The following GPRC5B variants were observed in gnomAD, a reference collection of about 807,000 sequenced individuals.
GPRC5B encodes G protein-coupled receptor family C group 5 member B.
A neutral mutation model predicts 30.1 loss-of-function variants in GPRC5B; 16 were observed. The observed-to-expected ratio is 0.53, with a 90% CI of 0.36 to 0.81. The LOEUF (loss-of-function observed/expected upper bound fraction) is 0.81, where lower values mean the gene tolerates loss of function less well. GPRC5B is among the 30% of genes least tolerant of loss of function. The pLI, the probability that GPRC5B is intolerant of heterozygous loss-of-function variation, is 0.01. For missense variants in GPRC5B, 428 were observed against 544.7 expected (o/e 0.79, Z 2.13); for synonymous variants, 241 against 239.5 (o/e 1.01, Z -0.06).
intron 1 of GPRC5B, 80 bp downstream of exon 1, chr16:19,884,646 CA>C (rs2056836981): frequency 1.1e-6 from 1 of 941,754 alleles, no homozygotes; most frequent in Non-Finnish European, 1.3e-6. Flanking sequence ...GCGGACCCCC[CA>C]ATTCTCCCAA....
In GPRC5B at chr16:19,860,272, G is replaced by T; in HGVS notation, c.*228C>A. 1 of 546,518 alleles carries T rather than the reference G, an allele frequency of 1.8e-6. No individual in the cohort carries two copies. Among genetic ancestry groups the T allele is most frequent in the Non-Finnish European group, 3.3e-6 (1 of 304,370 alleles). 33.9% of individuals were successfully genotyped at this position (546,518 alleles called of 1,614,324 possible). On this transcript the variant is annotated 3_prime_UTR_variant, in exon 4 of 4. Coordinates refer to ENST00000300571, the MANE Select transcript of GPRC5B (RefSeq NM_016235.3). ...AGTTTGCGGGGATTGAGGTTGGTCTGGTATTACGTGTCTGTGTGTGTGGCA... is the reference window on the plus strand; with the variant it reads ...AGTTTGCGGGGATTGAGGTTGGTCTTGTATTACGTGTCTGTGTGTGTGGCA...
Position 19,861,789 on chromosome 16 carries a change from C to G in GPRC5B, c.1167+48G>C, listed in dbSNP as rs562433136. ...TCCCTGTTGAAGCTGCTCCCCGACA[C>G]CGTAGACTCCTAGGCTTCCTACCCC... On this transcript the variant is annotated intron_variant, in intron 3 of 3. Coordinates refer to ENST00000300571, the MANE Select transcript of GPRC5B (RefSeq NM_016235.3). 5.0e-5 allele frequency: 79 copies of G among 1,569,072 alleles called. No homozygotes were observed. The East Asian group carries it at 9.4e-4, about 19-fold the overall frequency.
chr16:19,880,750 C>A (rs767843476), intron 1 of GPRC5B, among the ~76,000 whole-genome samples: 13 of 152,336 alleles, frequency 8.5e-5, no homozygotes, highest in Non-Finnish European at 1.5e-4. Context: ...AGAGAGCAGA[C>A]ACCAGCCATT....
At chr16:19,884,698 T>C (rs1597639107) in intron 1 of GPRC5B, 29 bp downstream of exon 1, 13 of 984,982 alleles carry the variant, frequency 1.3e-5, no homozygotes, top group Non-Finnish European at 1.6e-5. Context: ...CACAGCGTCC[T>C]CCACTGCATC....
chr16:19,864,241 G>A lies in GPRC5B; in HGVS notation c.1031-2268C>T, dbSNP rs922958810. 2.0e-5 allele frequency among the ~76,000 whole-genome samples: 3 copies of A among 152,218 alleles called. No individual in the cohort carries two copies. The East Asian group carries it at 5.8e-4, about 29-fold the overall frequency. On this transcript the variant is annotated intron_variant, in intron 2 of 3. Transcript: ENST00000300571. ...GCCTTGCCCCCAAAGCCAACTCGGG[G>A]CCTTCTAGCAAGAAGCAAAAAGTTG...
intron 2 of GPRC5B, chr16:19,862,228 CCTCT>C: frequency 2.3e-6 from 1 of 436,696 alleles, no homozygotes; most frequent in Non-Finnish European, 4.1e-6. Context: ...CATGGTTGGG[CCTCT>C]GGTTCCCCCT....
At chr16:19,878,014 C>T (rs1419833621) in intron 1 of GPRC5B, among the ~76,000 whole-genome samples, 1 of 151,966 alleles carries the variant, frequency 6.6e-6, no homozygotes, top group Non-Finnish European at 1.5e-5. Context: ...GTCTAGCCAA[C>T]ATGGTGAAAC....
chr16:19,885,246 C>A, upstream of GPRC5B: 2 of 1,288,302 alleles, frequency 1.6e-6, no homozygotes, highest in South Asian at 2.5e-5. This position sits in a 1 kb window ranked among gnomAD's most constrained non-coding sequence, Gnocchi z 5.3. Context: ...CGGAAGCCTT[C>A]CTGCCCCCAG....
At chr16:19,885,234 C>G, upstream of GPRC5B, 1 of 1,288,512 alleles carries the variant, frequency 7.8e-7, no homozygotes, top group Non-Finnish European at 1.0e-6. This position sits in a 1 kb window ranked among gnomAD's most constrained non-coding sequence, Gnocchi z 5.3. Flanking sequence ...GGGGTCCCAG[C>G]GCGGAAGCCT....
rs950481091 is a variant in GPRC5B at position 19,872,218 on chromosome 16, G to A, written c.628C>T (p.Leu210=). The A allele has an allele frequency of 8.7e-6, 14 of 1,614,066 alleles. No homozygotes were observed. Among genetic ancestry groups the A allele is most frequent in the African/African-American group, 1.3e-5 (1 of 74,916 alleles). ...GCCAGCCCCAGGGTGACCACAAGCAGTACCATGTCGTAGATGAGGGCCATC... is the reference window on the plus strand; with the variant it reads ...GCCAGCCCCAGGGTGACCACAAGCAATACCATGTCGTAGATGAGGGCCATC... The part of the protein sequence containing the change: ...FVMALIYDMV[L]LVVTLGLALF... Residue 210 remains leucine, a synonymous_variant, in exon 2 of 4, where the codon CTG becomes TTG. Transcript: ENST00000300571. The surrounding 1 kb of genome is among the most constrained non-coding windows in gnomAD (Gnocchi z 5.0).
At chr16:19,885,345 G>A, upstream of GPRC5B, 1 of 1,203,400 alleles carries the variant, frequency 8.3e-7, no homozygotes, top group South Asian at 1.5e-5. This position sits in a 1 kb window ranked among gnomAD's most constrained non-coding sequence, Gnocchi z 5.3. Context: ...GATCCCGCCC[G>A]GTGCCTCTCG....
Position 19,871,882 on chromosome 16 carries a change from C to T in GPRC5B, c.964G>A (p.Glu322Lys). Reference sequence around the variant, plus strand: ...TAGGCCCGCGGCAGCTGCACGTCCTCCTCGAAGGCCGTCTCCCGCATCCTG... The same window carrying T: ...TAGGCCCGCGGCAGCTGCACGTCCTTCTCGAAGGCCGTCTCCCGCATCCTG... ...QPRMRETAFE[E>K]DVQLPRAYME... Residue 322 changes from glutamate (E) to lysine (K), a missense_variant, in exon 2 of 4, where the codon GAG (glutamate) becomes AAG (lysine). Physicochemically the swap from Glu to Lys is moderately conservative, Grantham distance 56. Coordinates refer to ENST00000300571, the MANE Select transcript of GPRC5B (RefSeq NM_016235.3). 6.2e-7 allele frequency: 1 copy of T among 1,614,074 alleles called. No homozygotes were observed. Among genetic ancestry groups the T allele is most frequent in the Non-Finnish European group, 8.5e-7 (1 of 1,180,032 alleles).
rs144982445 is a variant in GPRC5B at position 19,860,807 on chromosome 16, C to G, written c.1168-263G>C. On this transcript the variant is annotated intron_variant, in intron 3 of 3. Coordinates refer to ENST00000300571, the MANE Select transcript of GPRC5B (RefSeq NM_016235.3). ...TTTCAGTCTTGACTATTTTTTCACA[C>G]ACTGGCCTTGAAGGAACCAGGAGGG... Among the ~76,000 whole-genome samples the G allele has an allele frequency of 2.0e-3, 301 of 152,176 alleles. 1 individual carries two copies. The highest frequency in any genetic ancestry group is 7.0e-3 in the African/African-American group (290 of 41,526).
At chr16:19,875,967 C>T (rs1408302460) in intron 1 of GPRC5B, among the ~76,000 whole-genome samples, 4 of 152,168 alleles carry the variant, frequency 2.6e-5, no homozygotes, top group African/African-American at 7.2e-5. Flanking sequence ...AAAATGCCAA[C>T]AGTCCCCGAC....
At chr16:19,868,461 A>C (rs1038681038) in intron 2 of GPRC5B, among the ~76,000 whole-genome samples, 16 of 152,302 alleles carry the variant, frequency 1.1e-4, no homozygotes, top group Non-Finnish European at 2.1e-4. Flanking sequence ...TGAGTTCCAG[A>C]GGGAGTTTGG....
intron 1 of GPRC5B, among the ~76,000 whole-genome samples, chr16:19,883,664 C>T (rs2052089907): frequency 6.6e-6 from 1 of 152,246 alleles, no homozygotes; most frequent in African/African-American, 2.4e-5. Context: ...GGCGCGTGGG[C>T]TGGGGCCCCA....
chr16:19,872,321 G>C lies in GPRC5B; in HGVS notation c.525C>G (p.Ile175Met). Residue 175 changes from isoleucine (I) to methionine (M), a missense_variant, in exon 2 of 4, where the codon ATC becomes ATG. This residue lies in a region of GPRC5B where 196 missense variants were observed against 272.6 expected (regional missense o/e 0.72). Coordinates refer to ENST00000300571, the MANE Select transcript of GPRC5B (RefSeq NM_016235.3). The surrounding 1 kb of genome is among the most constrained non-coding windows in gnomAD (Gnocchi z 5.0). ...TGAGCACCAGCCACTCCACAGCGAT[G>C]ATGACTTGCACCAGCATCAGGCACA... ...LALCLMLVQV[I>M]IAVEWLVLTV... 1 of 1,614,106 alleles carries C rather than the reference G, an allele frequency of 6.2e-7. No individual in the cohort carries two copies. The highest frequency in any genetic ancestry group is 1.1e-5 in the South Asian group (1 of 91,080).
chr16:19,868,267 A>G (rs963310679), intron 2 of GPRC5B, among the ~76,000 whole-genome samples: 1 of 152,012 alleles, frequency 6.6e-6, no homozygotes, highest in Non-Finnish European at 1.5e-5. Flanking sequence ...CCAGCTACCC[A>G]GGAGGCAGGG....
In GPRC5B at chr16:19,872,876, G is replaced by T. The variant is rs757229231; in HGVS notation, c.-1-30C>A. 1.5e-5 allele frequency: 23 copies of T among 1,531,192 alleles called. No individual in the cohort carries two copies. Among genetic ancestry groups the T allele is most frequent in the Non-Finnish European group, 2.1e-5 (23 of 1,112,924 alleles). The allele number at this position is 1,531,192 out of a possible 1,614,324, so 94.9% of individuals were successfully genotyped here. On this transcript the variant is annotated intron_variant, in intron 1 of 3. Coordinates refer to ENST00000300571, the MANE Select transcript of GPRC5B (RefSeq NM_016235.3). The surrounding 1 kb of genome is among the most constrained non-coding windows in gnomAD (Gnocchi z 5.0). The stretch of plus-strand genomic sequence containing the variant: ...AAAAGCCAAGAGGGGAATGGTTGGG[G>T]GGAAGGAAAGATGAATTCATTGGAA...
Sources: gnomAD v4.1 joint callset for allele counts (sites outside exome capture counted in the v4.1 genomes callset) on GRCh38, gnomAD v4.1.1 for gene constraint, gnomAD v4.1.1 regional missense constraint, Gnocchi (gnomAD v3.1) non-coding constraint, MANE v1.5 for transcripts, NCBI Gene and HGNC (gene_info 2026-07-23, HGNC 2026-07-21) for gene names.